Variants in NHSL2 observed in about 807,000 individuals in gnomAD.
The protein encoded by NHSL2 is NHS like 2.
Under a neutral mutation model 53.4 loss-of-function variants are expected in NHSL2, and 27 were observed. That is an observed-to-expected ratio of 0.51 (90% CI 0.37 to 0.70). NHSL2 has a LOEUF of 0.70. Ranked by LOEUF, NHSL2 falls within the 30% of genes least tolerant of loss-of-function variation. NHSL2 has a pLI of 0.00. For missense variants in NHSL2, 892 were observed against 980.1 expected (o/e 0.91, Z 1.20); for synonymous variants, 408 against 404.1 (o/e 1.01, Z -0.12).
At chrX:72,074,567 C>A (rs1384974553) in intron 1 of NHSL2, among the ~76,000 whole-genome samples, 3 of 112,068 alleles carry the variant, frequency 2.7e-5, no homozygotes, top group Non-Finnish European at 5.6e-5. Context: ...GATATGCCCA[C>A]ATTTTCTGGG....
chrX:72,066,194 C>T (rs1197033576), intron 1 of NHSL2, among the ~76,000 whole-genome samples: 6 of 111,113 alleles, frequency 5.4e-5, no homozygotes, highest in Non-Finnish European at 9.4e-5. Flanking sequence ...GAGATGATGC[C>T]GTGAAGTGCT....
intron 1 of NHSL2, among the ~76,000 whole-genome samples, chrX:71,981,536 C>CAAAA (rs140961615): frequency 1.2e-4 from 8 of 66,578 alleles, no homozygotes; most frequent in Admixed American, 4.1e-4. Flanking sequence ...GACTCTGTCT[C>CAAAA]AAAAAAAAAA....
rs1569461685 is a variant in NHSL2 at position 71,911,358 on chromosome X, G to A, written c.271G>A (p.Glu91Lys). Residue 91 changes from glutamate (E) to lysine (K), a missense_variant, in exon 1 of 8, where the codon GAA becomes AAA. By Grantham distance (56) the Glu-to-Lys change is moderately conservative. Transcript: ENST00000633930. The stretch of plus-strand genomic sequence containing the variant: ...CCTGCTTGGCCCGGAGGAGGACGAG[G>A]AAGAGCTAGGTAAAAACGGCGCCCC... ...CRLLGPEEDEEELAAANSGRE... is the reference protein window; with the variant it reads ...CRLLGPEEDEKELAAANSGRE... 1 of 1,086,042 alleles carries A rather than the reference G, an allele frequency of 9.2e-7. No homozygotes were observed. Among genetic ancestry groups the A allele is most frequent in the East Asian group, 3.6e-5 (1 of 27,415 alleles). The allele number at this position is 1,086,042 out of a possible 1,213,427, so 89.5% of individuals were successfully genotyped here. A position where few individuals can be genotyped will look rare whatever the true frequency, so the allele number is the denominator to read the frequency against.
chrX:72,067,416 C>T (rs1340225679), intron 1 of NHSL2, among the ~76,000 whole-genome samples: 1 of 111,022 alleles, frequency 9.0e-6, no homozygotes, highest in Non-Finnish European at 1.9e-5. Flanking sequence ...TCAGGATGTC[C>T]CATGCATTCT....
At chrX:72,003,019 G>A (rs1569470998) in intron 1 of NHSL2, among the ~76,000 whole-genome samples, 2 of 110,356 alleles carry the variant, frequency 1.8e-5, no homozygotes, top group South Asian at 7.8e-4. Flanking sequence ...CACAGAGATT[G>A]TGCTATTCCC....
intron 1 of NHSL2, among the ~76,000 whole-genome samples, chrX:71,917,761 T>C (rs1264657623): frequency 9.0e-6 from 1 of 111,284 alleles, no homozygotes; most frequent in Non-Finnish European, 1.9e-5. Flanking sequence ...AAGGAATTCC[T>C]GGCTCAGGAA....
At chrX:72,027,024 AGAG>A (rs897390254) in intron 1 of NHSL2, among the ~76,000 whole-genome samples, 37 of 112,349 alleles carry the variant, frequency 3.3e-4, no homozygotes, top group African/African-American at 1.1e-3. Context: ...ACTGTGTTTG[AGAG>A]GAGAAGAGGA....
At chrX:72,093,749 T>G (rs1372188342) in intron 1 of NHSL2, among the ~76,000 whole-genome samples, 83 of 105,008 alleles carry the variant, frequency 7.9e-4, no homozygotes, top group Non-Finnish European at 1.2e-3. Context: ...TTTCTTTCTT[T>G]CTTTCTTTCT....
chrX:72,062,418 G>A (rs1488914833), intron 1 of NHSL2, among the ~76,000 whole-genome samples: 1 of 112,224 alleles, frequency 8.9e-6, no homozygotes, highest in African/African-American at 3.2e-5. Flanking sequence ...GGGAGTATAG[G>A]CTCAAAAATA....
At chrX:71,961,102 G>C (rs2147849123) in intron 1 of NHSL2, among the ~76,000 whole-genome samples, 1 of 111,342 alleles carries the variant, frequency 9.0e-6, no homozygotes, top group African/African-American at 3.3e-5. Context: ...GTACCTCCTT[G>C]GTTAAACTTA....
rs1032864258 is a variant in NHSL2 at position 72,118,780 on chromosome X, A to G, written c.281-13299A>G. 6.2e-5 allele frequency among the ~76,000 whole-genome samples: 7 copies of G among 112,043 alleles called. No individual in the cohort carries two copies. In the Admixed American group the frequency reaches 6.6e-4, roughly 11 times the overall value. ...TGAACAAAAGTTTTTAATTTTGATG[A>G]AGTCAAATTTGTGTTTTTCTCTTAT... On this transcript the variant is annotated intron_variant, in intron 1 of 7. Transcript: ENST00000633930.
chrX:72,093,783 C>CTTT (rs2041921857), intron 1 of NHSL2, among the ~76,000 whole-genome samples: 1 of 67,158 alleles, frequency 1.5e-5, no homozygotes, highest in East Asian at 6.1e-4. Flanking sequence ...TCTTTCTTTT[C>CTTT]CTTTCTTTCT....
chrX:72,087,882 C>A (rs1392138559), intron 1 of NHSL2, among the ~76,000 whole-genome samples: 1 of 108,882 alleles, frequency 9.2e-6, no homozygotes, highest in African/African-American at 3.4e-5. Context: ...GAGAAACAAA[C>A]AAATAAACAA....
intron 1 of NHSL2, among the ~76,000 whole-genome samples, chrX:72,097,760 G>A (rs1245074321): frequency 2.7e-5 from 3 of 112,084 alleles, no homozygotes; most frequent in Admixed American, 9.4e-5. Flanking sequence ...TTTTCCAGAA[G>A]CTGGAGAGCT....
chrX:71,922,874 G>T (rs1402299575), intron 1 of NHSL2, among the ~76,000 whole-genome samples: 1 of 112,408 alleles, frequency 8.9e-6, no homozygotes, highest in South Asian at 3.7e-4. Context: ...TTTCCAGCCT[G>T]TATTACCTCT....
At chrX:71,966,321 C>G (rs947746162) in intron 1 of NHSL2, among the ~76,000 whole-genome samples, 2 of 111,804 alleles carry the variant, frequency 1.8e-5, no homozygotes, top group African/African-American at 3.2e-5. Context: ...ATTACCTAGG[C>G]CTTCCAGTAA....
intron 1 of NHSL2, among the ~76,000 whole-genome samples, chrX:72,056,252 A>G (rs2042368655): frequency 8.9e-6 from 1 of 112,250 alleles, no homozygotes. Context: ...GAATAATCAA[A>G]CGAGTGCTAG....
chrX:71,994,107 A>C (rs1310847433), intron 1 of NHSL2, among the ~76,000 whole-genome samples: 1 of 111,730 alleles, frequency 9.0e-6, no homozygotes, highest in Non-Finnish European at 1.9e-5. Context: ...ATCCCTTAGT[A>C]TCTATTGTAA....
chrX:71,946,581 A>G (rs1042880676), intron 1 of NHSL2, among the ~76,000 whole-genome samples: 2 of 111,639 alleles, frequency 1.8e-5, no homozygotes, highest in African/African-American at 3.3e-5. Flanking sequence ...CCACTTTCAC[A>G]ACCATCTCAT....
Sources: gnomAD v4.1 joint callset for allele counts (sites outside exome capture counted in the v4.1 genomes callset) on GRCh38, gnomAD v4.1.1 for gene constraint, MANE v1.5 for transcripts, NCBI Gene and HGNC (gene_info 2026-07-23, HGNC 2026-07-21) for gene names.